FGGY: variants seen among roughly 807,000 people sequenced by gnomAD.
The protein encoded by FGGY is FGGY carbohydrate kinase domain containing, also known as FGGY carbohydrate kinase domain-containing protein.
Under a neutral mutation model 71.3 loss-of-function variants are expected in FGGY, and 72 were observed. That is an observed-to-expected ratio of 1.01 (90% CI 0.84 to 1.23). The LOEUF (loss-of-function observed/expected upper bound fraction) is 1.23, where lower values mean the gene tolerates loss of function less well. Among genes scored for constraint, FGGY ranks in the 50% most tolerant of loss-of-function variants. The pLI, the probability that FGGY is intolerant of heterozygous loss-of-function variation, is 0.00. For missense variants in FGGY, 668 were observed against 682.3 expected, an observed-to-expected ratio of 0.98 and a Z score of 0.23; for synonymous variants, 251 against 250.3, an observed-to-expected ratio of 1.00 and a Z score of -0.02.
chr1:59,605,121 A>G (rs1007648603), intron 8 of FGGY, among the ~76,000 whole-genome samples: 1 of 152,192 alleles, frequency 6.6e-6, no homozygotes, highest in African/African-American at 2.4e-5. Context: ...ATCTTAATTC[A>G]TGTACCATTT....
At chr1:59,697,819 C>G in intron 14 of FGGY, 1 of 720,338 alleles carries the variant, frequency 1.4e-6, no homozygotes, top group Non-Finnish European at 1.9e-6. Flanking sequence ...TTCTTCTGCC[C>G]AAGGCTTCAG....
chr1:59,459,720 C>G (rs1317466621), intron 6 of FGGY, among the ~76,000 whole-genome samples: 1 of 152,134 alleles, frequency 6.6e-6, no homozygotes, highest in Non-Finnish European at 1.5e-5. Context: ...GAGAAAGGAC[C>G]TTAGGAAGAT....
chr1:59,624,023 A>G (rs184865734), intron 9 of FGGY, among the ~76,000 whole-genome samples: 1 of 152,274 alleles, frequency 6.6e-6, no homozygotes, highest in Admixed American at 6.5e-5. Flanking sequence ...TGATGCTCTC[A>G]GTGGATTGCA....
chr1:59,673,799 A>G (rs1303159763), intron 13 of FGGY: 1 of 440,590 alleles, frequency 2.3e-6, no homozygotes, highest in African/African-American at 2.0e-5. Flanking sequence ...AGGTCTCGTG[A>G]GTTGATATAT....
intron 14 of FGGY, among the ~76,000 whole-genome samples, chr1:59,686,751 C>A (rs763098131): frequency 1.3e-5 from 2 of 152,028 alleles, no homozygotes; most frequent in African/African-American, 4.8e-5. Flanking sequence ...AGTAATAAAT[C>A]GAGCTGTATT....
At chr1:59,397,323 C>T (rs781338387) in intron 5 of FGGY, among the ~76,000 whole-genome samples, 2 of 152,130 alleles carry the variant, frequency 1.3e-5, no homozygotes, top group Non-Finnish European at 2.9e-5. Flanking sequence ...CGTTGTGTTT[C>T]TGATTTACGA....
chr1:59,744,946 A>C (rs1324841290), intron 14 of FGGY, among the ~76,000 whole-genome samples: 1 of 152,174 alleles, frequency 6.6e-6, no homozygotes, highest in Non-Finnish European at 1.5e-5. Context: ...AGAGATTATA[A>C]ACACATAATA....
intron 1 of FGGY, among the ~76,000 whole-genome samples, chr1:59,300,525 A>G (rs915242853): frequency 6.6e-6 from 1 of 152,242 alleles, no homozygotes; most frequent in African/African-American, 2.4e-5. Flanking sequence ...TCTGAATTAT[A>G]ATGGATCATG....
intron 5 of FGGY, among the ~76,000 whole-genome samples, chr1:59,391,165 TG>T (rs1166039548): frequency 2.0e-5 from 3 of 152,188 alleles, no homozygotes; most frequent in South Asian, 4.1e-4. Context: ...CTCCCTGGCT[TG>T]GGATTTGATT....
chr1:59,561,641 TA>T (rs2095795095), intron 8 of FGGY, among the ~76,000 whole-genome samples: 1 of 152,194 alleles, frequency 6.6e-6, no homozygotes, highest in Non-Finnish European at 1.5e-5. Flanking sequence ...AGCACCTTAC[TA>T]AAACTTTGTA....
chr1:59,351,785 A>G (rs2053355562), intron 4 of FGGY, among the ~76,000 whole-genome samples: 1 of 152,174 alleles, frequency 6.6e-6, no homozygotes, highest in Admixed American at 6.5e-5. Flanking sequence ...GGCTGTGAGG[A>G]GTGAGTCAGA....
At chr1:59,518,700 C>A (rs1197344865) in intron 7 of FGGY, among the ~76,000 whole-genome samples, 1 of 152,190 alleles carries the variant, frequency 6.6e-6, no homozygotes, top group African/African-American at 2.4e-5. Flanking sequence ...CTGCTCCGGC[C>A]ATGTGAAGTG....
chr1:59,459,838 C>G (rs757409042), intron 6 of FGGY, among the ~76,000 whole-genome samples: 13 of 152,116 alleles, frequency 8.5e-5, no homozygotes, highest in African/African-American at 1.4e-4. Context: ...TTGGGGTAGC[C>G]CACTTTATGA....
At chr1:59,415,792 G>C (rs567989833) in intron 5 of FGGY, among the ~76,000 whole-genome samples, 2 of 152,282 alleles carry the variant, frequency 1.3e-5, no homozygotes, top group South Asian at 4.1e-4. Context: ...ATGTTGCCCA[G>C]CTTCTACCAC....
chr1:59,300,681 A>G (rs1466091116), intron 1 of FGGY, among the ~76,000 whole-genome samples: 1 of 145,232 alleles, frequency 6.9e-6, no homozygotes, highest in Non-Finnish European at 1.5e-5. Flanking sequence ...TGAAATATGG[A>G]ATCAAGTTTT....
At chr1:59,640,927 A>G (rs2097019154) in intron 11 of FGGY, among the ~76,000 whole-genome samples, 1 of 151,048 alleles carries the variant, frequency 6.6e-6, no homozygotes, top group African/African-American at 2.5e-5. Flanking sequence ...CCTCAGGAAT[A>G]TCACCATCTT....
At chr1:59,757,440 T>C (rs567088747) in intron 14 of FGGY, among the ~76,000 whole-genome samples, 1 of 152,346 alleles carries the variant, frequency 6.6e-6, no homozygotes, top group African/African-American at 2.4e-5. Context: ...CAGAGATTGC[T>C]GGAAAAAGAG....
chr1:59,674,226 A>G (rs2097412985), intron 14 of FGGY, 93 bp downstream of exon 14: 5 of 851,766 alleles, frequency 5.9e-6, no homozygotes, highest in Non-Finnish European at 9.5e-6. Context: ...AAATACACAC[A>G]GGATATAATT....
intron 8 of FGGY, among the ~76,000 whole-genome samples, chr1:59,564,525 G>A (rs1483244666): frequency 6.6e-6 from 1 of 152,236 alleles, no homozygotes; most frequent in Non-Finnish European, 1.5e-5. Context: ...ATGAGGCACT[G>A]CACAGTGTTT....
Sources: allele counts gnomAD v4.1 joint callset (sites outside exome capture counted in the v4.1 genomes callset), GRCh38; gene constraint gnomAD v4.1.1; transcripts MANE v1.5; gene names NCBI Gene and HGNC (gene_info 2026-07-23, HGNC 2026-07-21).